CFAP46: variants seen among roughly 807,000 people sequenced by gnomAD.
The protein encoded by CFAP46 is cilia- and flagella-associated protein 46.
Under a neutral mutation model 325.7 loss-of-function variants are expected in CFAP46, and 245 were observed. That is an observed-to-expected ratio of 0.75 (90% CI 0.68 to 0.84). The LOEUF is 0.84. CFAP46 is among the 40% of genes least tolerant of loss of function. CFAP46 has a pLI of 0.00. For synonymous variants in CFAP46, 1,523 were observed against 1,495.9 expected, an observed-to-expected ratio of 1.02 and a Z score of -0.42; for missense variants, 3,346 against 3,543.0, an observed-to-expected ratio of 0.94 and a Z score of 1.41.
chr10:132,858,284 C>G (rs1235658522), intron 38 of CFAP46, among the ~76,000 whole-genome samples: 8 of 139,910 alleles, frequency 5.7e-5, no homozygotes, highest in Middle Eastern at 4.1e-3. Context: ...CTGGGGGCGG[C>G]CCCAGGTTGG....
intron 22 of CFAP46, among the ~76,000 whole-genome samples, chr10:132,900,727 C>T (rs139567674): frequency 2.0e-5 from 3 of 152,322 alleles, no homozygotes; most frequent in Non-Finnish European, 2.9e-5. Context: ...TGGGTACTGC[C>T]GTCCTAAACA....
At chr10:132,870,830 TAAGAG>T (rs775784600) in intron 32 of CFAP46, among the ~76,000 whole-genome samples, 1,562 of 151,774 alleles carry the variant, frequency 0.01, 14 homozygotes, top group Non-Finnish European at 0.015. Context: ...ATCCAGCTAA[TAAGAG>T]CATGGATGGT....
chr10:132,851,278 T>C lies in CFAP46; in HGVS notation c.5602A>G (p.Arg1868Gly). Reference sequence around the variant, plus strand: ...CCGAGCTTGAGGCGCGCCAGCTTCCTCATCAGGGGCGTGTTGACGTTCTGC... The same window carrying C: ...CCGAGCTTGAGGCGCGCCAGCTTCCCCATCAGGGGCGTGTTGACGTTCTGC... Reference protein sequence around the residue: ...DLQNVNTPLMRKLARLKLGLV... With the variant: ...DLQNVNTPLMGKLARLKLGLV... The change falls in exon 40 of 58, where the codon AGG becomes GGG. Residue 1868 changes from arginine to glycine, a missense_variant. Arg to Gly is a moderately radical substitution (Grantham distance 125, BLOSUM62 -2). Coordinates refer to ENST00000368586, the MANE Select transcript of CFAP46 (RefSeq NM_001200049.3). 1 of 1,613,938 alleles carries C rather than the reference T, an allele frequency of 6.2e-7. No homozygotes were observed. Among genetic ancestry groups the C allele is most frequent in the African/African-American group, 1.3e-5 (1 of 75,048 alleles).
chr10:132,849,733 C>T (rs977688670), intron 41 of CFAP46, among the ~76,000 whole-genome samples: 9 of 152,146 alleles, frequency 5.9e-5, no homozygotes, highest in Non-Finnish European at 1.2e-4. Context: ...CAGCAGCCTC[C>T]CTGGGCTGTA....
intron 44 of CFAP46, among the ~76,000 whole-genome samples, chr10:132,839,149 G>T (rs917290578): frequency 3.9e-5 from 6 of 152,216 alleles, no homozygotes; most frequent in Non-Finnish European, 7.3e-5. Context: ...ATTCTCTGTG[G>T]CTGCCCCTTG....
At position 132,909,168 on chromosome 10, in the gene CFAP46, A is replaced by G; in HGVS notation, c.2726T>C (p.Leu909Pro). 6.5e-7 allele frequency: 1 copy of G among 1,549,964 alleles called. No homozygotes were observed. Among genetic ancestry groups the G allele is most frequent in the African/African-American group, 1.4e-5 (1 of 73,128 alleles). The change falls in exon 21 of 58, where the codon CTC (leucine) becomes CCC (proline). Residue 909 changes from leucine to proline, a missense_variant. By Grantham distance (98) the Leu-to-Pro change is moderately conservative. Transcript: ENST00000368586. ...LEMYSCNGLG[L>P]MDFTVPSLAQ... ...CAGGGAGGGGACAGTGAAGTCCATG[A>G]GGCCCAGCCCGTTGCATGAGTACAT... is the stretch of plus-strand genomic sequence containing the variant.
At position 132,814,163 on chromosome 10, in the gene CFAP46, C is replaced by T. The variant is rs746272576; in HGVS notation, c.7377G>A (p.Lys2459=). ...TSRWAGHLGS[K]HFPSQAQWEQ... is the part of the protein sequence containing the mutation. ...GCCCAGATCCGAACCTGGGAAAGTGCTTGCTTCCCAGATGTCCCGCCCATC... is the reference window on the plus strand; with the variant it reads ...GCCCAGATCCGAACCTGGGAAAGTGTTTGCTTCCCAGATGTCCCGCCCATC... Residue 2459 remains lysine (K), a synonymous_variant, in exon 54 of 58, where the codon AAG becomes AAA. Transcript: ENST00000368586. 1.9e-6 allele frequency: 3 copies of T among 1,613,676 alleles called. No individual in the cohort carries two copies. Among genetic ancestry groups the T allele is most frequent in the East Asian group, 4.5e-5 (2 of 44,880 alleles).
At position 132,814,735 on chromosome 10, in the gene CFAP46, G is replaced by A. The variant is rs1847658360; in HGVS notation, c.7200C>T (p.Pro2400=). The A allele has an allele frequency of 6.2e-7, 1 of 1,613,656 alleles. No homozygotes were observed. The highest frequency in any genetic ancestry group is 1.1e-5 in the South Asian group (1 of 91,062). ...TGATGCAGTCAGGGGGGATGGTCCG[G>A]GGGATGCTGCCCTGCAACCACAGAC... The part of the protein sequence containing the change: ...LAKKGRKGSI[P]RTIPPDCIIV... Residue 2400 remains proline (P), a synonymous_variant, in exon 52 of 58, where the codon CCC becomes CCT. Transcript: ENST00000368586.
chr10:132,808,971 A>T lies in CFAP46; in HGVS notation c.7665-67T>A. On this transcript the variant is annotated intron_variant, in intron 57 of 57. Transcript: ENST00000368586. The surrounding 1 kb of genome is among the most constrained non-coding windows in gnomAD (Gnocchi z 6.8). ...CAGGACGTCCAGCCCGGTGAGGACC[A>T]GGGCACAGGGGCGGGAAGTGGCAGC... is the stretch of plus-strand genomic sequence containing the variant. 1.4e-6 allele frequency: 2 copies of T among 1,443,606 alleles called. No individual in the cohort carries two copies. Among genetic ancestry groups the T allele is most frequent in the Non-Finnish European group, 1.9e-6 (2 of 1,077,254 alleles). 89.4% of individuals were successfully genotyped at this position (1,443,606 alleles called of 1,614,324 possible).
At chr10:132,875,314 C>T (rs901487445) in intron 31 of CFAP46, among the ~76,000 whole-genome samples, 2 of 152,160 alleles carry the variant, frequency 1.3e-5, no homozygotes, top group African/African-American at 4.8e-5. Flanking sequence ...TGTCAGTTCT[C>T]CATAAAGTAA....
chr10:132,856,967 T>C (rs2135195036), intron 39 of CFAP46, among the ~76,000 whole-genome samples: 1 of 152,362 alleles, frequency 6.6e-6, no homozygotes, highest in East Asian at 1.9e-4. Flanking sequence ...TTCTAGGGTC[T>C]CTCAGGCAGG....
At chr10:132,846,842 GT>G (rs1848445491) in intron 43 of CFAP46, 89 bp downstream of exon 43, 3 of 1,439,432 alleles carry the variant, frequency 2.1e-6, no homozygotes, top group Non-Finnish European at 2.8e-6. Context: ...CTCTAATGGA[GT>G]CCCCCCAAGG....
rs1184260968 is a variant in CFAP46 at position 132,887,514 on chromosome 10, TCTCTC to T, written c.3305-1560_3305-1556del. On this transcript the variant is annotated intron_variant, in intron 25 of 57. Transcript: ENST00000368586. ...CCTCTCGCCTATTTCCTCTCCTCTC[TCTCTC>T]CTCTCCTCTCTCCTCTCCCCTCTTC... Among the ~76,000 whole-genome samples the T allele has an allele frequency of 4.5e-4, 46 of 103,092 alleles. 1 individual carries two copies. Among genetic ancestry groups the T allele is most frequent in the African/African-American group, 1.7e-3 (46 of 26,824 alleles). The allele number at this position is 103,092 out of a possible 152,430, so 67.6% of individuals were successfully genotyped here.
chr10:132,814,030 A>C, intron 54 of CFAP46, 122 bp downstream of exon 54: 2 of 709,420 alleles, frequency 2.8e-6, no homozygotes, highest in Non-Finnish European at 5.0e-6. Context: ...TCAGCATTGC[A>C]TGCTGTATGT....
chr10:132,825,319 G>T (rs1351009188), intron 50 of CFAP46, among the ~76,000 whole-genome samples: 1 of 152,026 alleles, frequency 6.6e-6, no homozygotes, highest in African/African-American at 2.4e-5. Context: ...TGTGCCGTGT[G>T]CACTGATGTG....
chr10:132,926,456 G>A, intron 10 of CFAP46, 112 bp downstream of exon 10: 1 of 755,724 alleles, frequency 1.3e-6, no homozygotes, highest in Non-Finnish European at 2.2e-6. Flanking sequence ...TCTAGCAGTG[G>A]GGTCCAGGCC....
intron 25 of CFAP46, among the ~76,000 whole-genome samples, chr10:132,892,038 C>T (rs1029213078): frequency 6.6e-6 from 1 of 152,178 alleles, no homozygotes; most frequent in Non-Finnish European, 1.5e-5. Context: ...GCTCCTCACA[C>T]GTGGCTCAGC....
At chr10:132,864,341 C>T (rs1564783592) in intron 35 of CFAP46, among the ~76,000 whole-genome samples, 1 of 128,826 alleles carries the variant, frequency 7.8e-6, no homozygotes, top group Non-Finnish European at 1.6e-5. Flanking sequence ...CACACCTGTC[C>T]CCAGTGCCTG....
chr10:132,850,567 G>T, intron 40 of CFAP46, 135 bp from the exon 41 acceptor site: 1 of 831,398 alleles, frequency 1.2e-6, no homozygotes, highest in Non-Finnish European at 1.8e-6. Flanking sequence ...GCCTTGCCCC[G>T]CAGGGAGGGT....
Sources: allele counts gnomAD v4.1 joint callset (sites outside exome capture counted in the v4.1 genomes callset), GRCh38; gene constraint gnomAD v4.1.1; non-coding constraint Gnocchi (gnomAD v3.1); transcripts MANE v1.5; gene names NCBI Gene and HGNC (gene_info 2026-07-23, HGNC 2026-07-21).